The following SUN2 variants were observed in gnomAD, a reference collection of about 807,000 sequenced individuals.
SUN2 encodes SUN domain-containing protein 2.
A neutral mutation model predicts 100.0 loss-of-function variants in SUN2; 60 were observed. The ratio of observed to expected loss-of-function variants is 0.60; its 90% CI spans 0.49 to 0.74. SUN2 has a LOEUF of 0.74. Among genes scored for constraint, SUN2 ranks in the 30% least tolerant of loss-of-function variants. The pLI, the probability that SUN2 is intolerant of heterozygous loss-of-function variation, is 0.00. For missense variants in SUN2, 834 were observed against 954.6 expected (o/e 0.87, Z 1.66); for synonymous variants, 367 against 403.3 (o/e 0.91, Z 1.08).
In SUN2 at chr22:38,742,376, C is replaced by T. The variant is rs778038446; in HGVS notation, c.993G>A (p.Leu331=). 3 of 1,613,186 alleles carry T rather than the reference C, an allele frequency of 1.9e-6. No homozygotes were observed. The highest frequency in any genetic ancestry group is 3.3e-5 in the Admixed American group (2 of 60,024). Residue 331 remains leucine, a synonymous_variant, in exon 9 of 18, where the codon CTG becomes CTA. Coordinates refer to ENST00000689035, the MANE Select transcript of SUN2 (RefSeq NM_015374.3). ...GGLSHEDTLA[L]LEGLVSRREA... is the part of the protein sequence containing the mutation. ...CACGGCGGCTCACTAGCCCCTCCAG[C>T]AGCGCCAGGGTGTCCTCGTGGCTCA...
intron 6 of SUN2, 78 bp from the exon 7 acceptor site, chr22:38,748,861 G>T: frequency 7.0e-7 from 1 of 1,431,570 alleles, no homozygotes; most frequent in Non-Finnish European, 9.9e-7. Context: ...CACCCAGGGA[G>T]TACCCTGAGA....
At position 38,751,349 on chromosome 22, in the gene SUN2, G is replaced by A. The variant is rs769644853; in HGVS notation, c.147C>T (p.Asn49=). The A allele has an allele frequency of 1.4e-5, 22 of 1,613,912 alleles. No individual in the cohort carries two copies. The South Asian group carries it at 2.4e-4, about 18-fold the overall frequency. The change falls in exon 3 of 18, where the codon AAC becomes AAT. Residue 49 remains asparagine (N), a synonymous_variant. Transcript: ENST00000689035. ...GTGGCGCTGGGGACAGGCGCTTCAT[G>A]TTGCTGGATTTCCTCTTCAAGGTCC... ...PLRTLKRKSS[N]MKRLSPAPQL...
chr22:38,743,179 CAAGAG>C (rs2092874591), intron 8 of SUN2: 1 of 152,136 alleles, frequency 6.6e-6, no homozygotes, highest in Non-Finnish European at 1.5e-5. Flanking sequence ...AAATCATTGC[CAAGAG>C]AAGTGATAAA....
At chr22:38,747,882 G>T (rs1025581576) in intron 7 of SUN2, among the ~76,000 whole-genome samples, 2 of 152,142 alleles carry the variant, frequency 1.3e-5, no homozygotes, top group African/African-American at 2.4e-5. Flanking sequence ...GGTCAAGGCT[G>T]CAGTGAGCTG....
chr22:38,755,175 AT>A lies in SUN2; in HGVS notation c.-38+587del, dbSNP rs772281182. The A allele has an allele frequency of 8.8e-7, 1 of 1,135,848 alleles. No homozygotes were observed. Among genetic ancestry groups the A allele is most frequent in the Non-Finnish European group, 1.1e-6 (1 of 894,156 alleles). 70.4% of individuals were successfully genotyped at this position (1,135,848 alleles called of 1,614,324 possible). ...AGATCTGGGGCATCTTCCTCGTGAC[AT>A]TTCCACTCCCTGGGCACAGCCAGGC... On this transcript the variant is annotated intron_variant, in intron 1 of 17. Transcript: ENST00000689035. This position sits in a 1 kb window ranked among gnomAD's most constrained non-coding sequence, Gnocchi z 5.7.
At position 38,745,669 on chromosome 22, in the gene SUN2, C is replaced by A; in HGVS notation, c.813+15G>T. 6.2e-7 allele frequency: 1 copy of A among 1,612,834 alleles called. No homozygotes were observed. Among genetic ancestry groups the A allele is most frequent in the Non-Finnish European group, 8.5e-7 (1 of 1,179,902 alleles). On this transcript the variant is annotated intron_variant, in intron 8 of 17. Coordinates refer to ENST00000689035, the MANE Select transcript of SUN2 (RefSeq NM_015374.3). ...ATTGCTAAGCTCTTGGGAGCTACCACCCTCAGAGACTCACCTGGAAATGTG... is the reference window on the plus strand; with the variant it reads ...ATTGCTAAGCTCTTGGGAGCTACCAACCTCAGAGACTCACCTGGAAATGTG...
chr22:38,736,474 A>T, intron 17 of SUN2, 94 bp from the exon 18 acceptor site: 1 of 1,004,276 alleles, frequency 1.0e-6, no homozygotes, highest in Non-Finnish European at 1.4e-6. Context: ...GCCTAGGGCC[A>T]GATGGCTCCC....
At position 38,738,225 on chromosome 22, in the gene SUN2, C is replaced by G. The variant is rs938202473; in HGVS notation, c.1988G>C (p.Gly663Ala). The G allele has an allele frequency of 1.2e-6, 2 of 1,613,958 alleles. No individual in the cohort carries two copies. Among genetic ancestry groups the G allele is most frequent in the Non-Finnish European group, 1.7e-6 (2 of 1,180,004 alleles). The part of the protein sequence containing the change: ...EDLQQEGTLL[G>A]KFTYDQDGEP... ...GCCGTCCTGATCGTAAGTGAACTTG[C>G]CAAGGAGTGTCCCCTCCTGCTGCAG... The change falls in exon 17 of 18, where the codon GGC (glycine) becomes GCC (alanine). Residue 663 changes from glycine (G) to alanine (A), a missense_variant. This residue lies in a region of SUN2 where 80 missense variants were observed against 76.7 expected (regional missense o/e 1.04). Transcript: ENST00000689035. The surrounding 1 kb of genome is among the most constrained non-coding windows in gnomAD (Gnocchi z 6.6).
At position 38,749,842 on chromosome 22, in the gene SUN2, G is replaced by A. The variant is rs765059084; in HGVS notation, c.538C>T (p.Leu180Phe). The change falls in exon 6 of 18, where the codon CTC becomes TTC. Residue 180 changes from leucine to phenylalanine, a missense_variant. This residue lies in a region of SUN2 where 559 missense variants were observed against 597.7 expected (regional missense o/e 0.94). Coordinates refer to ENST00000689035, the MANE Select transcript of SUN2 (RefSeq NM_015374.3). ...CAGGTGGTGCCAGCCCACCAGTAGAGAAGTCTGAAGAGCCGGCCTGGAAGA... is the reference window on the plus strand; with the variant it reads ...CAGGTGGTGCCAGCCCACCAGTAGAAAAGTCTGAAGAGCCGGCCTGGAAGA... ...ATSPGRLFRL[L>F]YWWAGTTWYR... The A allele has an allele frequency of 1.2e-6, 2 of 1,613,682 alleles. No homozygotes were observed. The highest frequency in any genetic ancestry group is 4.5e-5 in the East Asian group (2 of 44,866).
intron 1 of SUN2, chr22:38,754,890 C>A: frequency 7.8e-7 from 1 of 1,289,378 alleles, no homozygotes; most frequent in East Asian, 5.5e-5. Flanking sequence ...CATCACAAAA[C>A]AGTTTACCAT....
Position 38,738,879 on chromosome 22 carries a change from G to A in SUN2, c.1773C>T (p.Ile591=). The part of the protein sequence containing the change: ...LWYHSQSPRV[I]LQPDVHPGNC... ...GTGCTTGCCAGGTGCCCACCTGGAG[G>A]ATGACTCGGGGTGACTGGGAGTGGT... Residue 591 remains isoleucine (I), a synonymous_variant, in exon 15 of 18, where the codon ATC becomes ATT. Transcript: ENST00000689035. The surrounding 1 kb of genome is among the most constrained non-coding windows in gnomAD (Gnocchi z 6.6). 3.7e-6 allele frequency: 6 copies of A among 1,603,636 alleles called. No individual in the cohort carries two copies. The highest frequency in any genetic ancestry group is 5.1e-6 in the Non-Finnish European group (6 of 1,172,752).
rs1005637727 is a variant in SUN2 at position 38,755,225 on chromosome 22, A to G, written c.-38+538T>C. 6 of 1,182,572 alleles carry G rather than the reference A, an allele frequency of 5.1e-6. No homozygotes were observed. The highest frequency in any genetic ancestry group is 6.4e-6 in the Non-Finnish European group (6 of 939,424). 73.3% of individuals were successfully genotyped at this position (1,182,572 alleles called of 1,614,324 possible). A position where few individuals can be genotyped will look rare whatever the true frequency, so the allele number is the denominator to read the frequency against. On this transcript the variant is annotated intron_variant, in intron 1 of 17. Coordinates refer to ENST00000689035, the MANE Select transcript of SUN2 (RefSeq NM_015374.3). This position sits in a 1 kb window ranked among gnomAD's most constrained non-coding sequence, Gnocchi z 5.7. The stretch of plus-strand genomic sequence containing the variant: ...GCCACACGCCCTTGTGGGACCTGCC[A>G]AACGCCCGGTGCTAACTCCCTCTGC...
rs774020383 is a variant in SUN2, at chr22:38,742,494, G to A, written c.875C>T (p.Ala292Val). Residue 292 changes from alanine (A) to valine (V), a missense_variant, in exon 9 of 18, where the codon GCT becomes GTT. Ala to Val is a moderately conservative substitution (Grantham distance 64). Around this residue, in one of 3 missense-constraint regions of SUN2, gnomAD observed 559 missense variants for 597.7 expected, o/e 0.94. Coordinates refer to ENST00000689035, the MANE Select transcript of SUN2 (RefSeq NM_015374.3). ...CTTCTGCCAGTTGGAGGAAAATTCA[G>A]CAGCAAGAGCTTCCAGACGCCGCTC... is the stretch of plus-strand genomic sequence containing the variant. ...SLERRLEALA[A>V]EFSSNWQKEA... is the part of the protein sequence containing the mutation. 6.2e-7 allele frequency: 1 copy of A among 1,613,566 alleles called. No individual in the cohort carries two copies. The highest frequency in any genetic ancestry group is 1.1e-5 in the South Asian group (1 of 91,086).
At chr22:38,741,165 C>T in intron 10 of SUN2, 115 bp from the exon 11 acceptor site, 1 of 1,183,610 alleles carries the variant, frequency 8.4e-7, no homozygotes, top group South Asian at 1.3e-5. Context: ...CCCAAGGTCT[C>T]TTGACCCCTG....
intron 4 of SUN2, 126 bp from the exon 5 acceptor site, chr22:38,750,446 G>A (rs1188268531): frequency 1.9e-5 from 29 of 1,511,916 alleles, no homozygotes; most frequent in Non-Finnish European, 2.4e-5. Context: ...ACACAGGCCC[G>A]GTGTGCAGTA....
rs551068411 is a variant in SUN2 at position 38,735,161 on chromosome 22, C to G, written c.*1106G>C. 4 of 438,864 alleles carry G rather than the reference C, an allele frequency of 9.1e-6. No homozygotes were observed. Among genetic ancestry groups the G allele is most frequent in the Non-Finnish European group, 9.1e-6 (2 of 220,270 alleles). 27.2% of individuals were successfully genotyped at this position (438,864 alleles called of 1,614,324 possible). ...TGGCTCTAAAAGTCCCCTCCTCCCC[C>G]TTCCCTATCCAGGGTAACTTCTGCC... is the stretch of plus-strand genomic sequence containing the variant. On this transcript the variant is annotated 3_prime_UTR_variant, in exon 18 of 18. Transcript: ENST00000689035.
chr22:38,744,194 C>T (rs2092884250), intron 8 of SUN2, among the ~76,000 whole-genome samples: 1 of 145,796 alleles, frequency 6.9e-6, no homozygotes, highest in Non-Finnish European at 1.5e-5. Flanking sequence ...GAGCCCAGAT[C>T]GTGCCACTGC....
At chr22:38,750,101 AG>A (rs758792931) in intron 5 of SUN2, 123 bp downstream of exon 5, 53 of 1,429,022 alleles carry the variant, frequency 3.7e-5, no homozygotes, top group Non-Finnish European at 4.7e-5. Context: ...TGATTATTCT[AG>A]AATGACCTTT....
At chr22:38,752,450 C>T (rs1249040442) in intron 2 of SUN2, 57 bp downstream of exon 2, 11 of 1,555,578 alleles carry the variant, frequency 7.1e-6, no homozygotes, top group Non-Finnish European at 9.6e-6. Flanking sequence ...GGCGTGCGGG[C>T]AGTGACCAAA....
Sources: gnomAD v4.1 joint callset for allele counts (sites outside exome capture counted in the v4.1 genomes callset) on GRCh38, gnomAD v4.1.1 for gene constraint, gnomAD v4.1.1 regional missense constraint, Gnocchi (gnomAD v3.1) non-coding constraint, MANE v1.5 for transcripts, NCBI Gene and HGNC (gene_info 2026-07-23, HGNC 2026-07-21) for gene names.